Variants in ZNF362 observed in about 807,000 individuals in gnomAD.
ZNF362 encodes the protein rotund homolog.
In ZNF362, 11 loss-of-function variants were observed where a neutral mutation model predicts 42.9. The observed-to-expected ratio is 0.26, with a 90% CI of 0.16 to 0.42. The LOEUF is 0.42. ZNF362 is among the 20% of genes least tolerant of loss of function. The probability of loss-of-function intolerance (pLI) is 1.00; values close to 1 mark genes in which losing one functional copy is unlikely to be tolerated. For missense variants in ZNF362, 362 were observed against 576.2 expected, an observed-to-expected ratio of 0.63 and a Z score of 3.81; for synonymous variants, 255 against 257.3, an observed-to-expected ratio of 0.99 and a Z score of 0.09.
At chr1:33,219,427 A>G in the ZNF362 span, among the ~76,000 whole-genome samples, 5 of 152,160 alleles carry the variant, frequency 3.3e-5, no homozygotes, top group Non-Finnish European at 5.9e-5. Context: ...TGTGTCTAAG[A>G]AAGATTCACT....
the ZNF362 span, among the ~76,000 whole-genome samples, chr1:33,136,735 C>T: frequency 1.3e-5 from 2 of 151,576 alleles, no homozygotes; most frequent in African/African-American, 4.8e-5. Context: ...CACGGTGGCT[C>T]ACGCCCGTAA....
chr1:33,204,855 T>C, the ZNF362 span, among the ~76,000 whole-genome samples: 578 of 152,334 alleles, frequency 3.8e-3, 1 homozygote, highest in African/African-American at 0.013. Flanking sequence ...GAATCTATTG[T>C]ATTTCTATAT....
rs1645992702 is a variant in ZNF362 at position 33,281,344 on chromosome 1, C to T, written c.684-243C>T. 6.6e-6 allele frequency among the ~76,000 whole-genome samples: 1 copy of T among 152,140 alleles called. No homozygotes were observed. The highest frequency in any genetic ancestry group is 1.5e-5 in the Non-Finnish European group (1 of 68,006). ...CTCACCAGGATCAGGCCTGTCTTCCCTATGAGGTGTAACCTATGCTCCAGG... is the reference window on the plus strand; with the variant it reads ...CTCACCAGGATCAGGCCTGTCTTCCTTATGAGGTGTAACCTATGCTCCAGG... On this transcript the variant is annotated intron_variant, in intron 5 of 8. Coordinates refer to ENST00000539719, the MANE Select transcript of ZNF362 (RefSeq NM_152493.3). The surrounding 1 kb of genome is among the most constrained non-coding windows in gnomAD (Gnocchi z 4.8).
chr1:33,231,525 C>T, the ZNF362 span, among the ~76,000 whole-genome samples: 8 of 152,114 alleles, frequency 5.3e-5, no homozygotes, highest in Admixed American at 3.3e-4. Flanking sequence ...CCACAGTCCC[C>T]GATCTCCCTG....
the ZNF362 span, among the ~76,000 whole-genome samples, chr1:33,218,986 C>CACACATACATA: frequency 1.4e-5 from 2 of 146,372 alleles, no homozygotes; most frequent in Admixed American, 6.8e-5. Flanking sequence ...CACACATACA[C>CACACATACATA]CACCCCCTGC....
the ZNF362 span, among the ~76,000 whole-genome samples, chr1:33,209,446 T>C: frequency 3.3e-5 from 5 of 152,188 alleles, no homozygotes; most frequent in Admixed American, 1.3e-4. Flanking sequence ...ATAAAATGAG[T>C]TAGGGAGGAT....
the ZNF362 span, among the ~76,000 whole-genome samples, chr1:33,186,520 T>C: frequency 1.3e-5 from 2 of 150,918 alleles, no homozygotes; most frequent in Non-Finnish European, 3.0e-5. Flanking sequence ...TAAAACAAAG[T>C]TGTGGCTGGG....
In ZNF362 at chr1:33,277,624, T is replaced by C. The variant is rs1570396597; in HGVS notation, c.349+1030T>C. The stretch of plus-strand genomic sequence containing the variant: ...GAGTGTGGTGGCCTGGGCAATGCCG[T>C]GGTAGTGGGAATGGAGAGAAGTGGA... On this transcript the variant is annotated intron_variant, in intron 4 of 8. Transcript: ENST00000539719. Among the ~76,000 whole-genome samples, 4 of 151,648 alleles carry C rather than the reference T, an allele frequency of 2.6e-5. No homozygotes were observed. The South Asian group carries it at 8.4e-4, about 32-fold the overall frequency.
At chr1:33,127,645 C>T in the ZNF362 span, among the ~76,000 whole-genome samples, 3 of 152,218 alleles carry the variant, frequency 2.0e-5, no homozygotes, top group Non-Finnish European at 4.4e-5. Flanking sequence ...TACTTAAAAA[C>T]GGAGGATCTG....
At chr1:33,155,369 C>A in the ZNF362 span, among the ~76,000 whole-genome samples, 1 of 152,066 alleles carries the variant, frequency 6.6e-6, no homozygotes. Context: ...CCATGCCCGG[C>A]CTCCCCTGAC....
At chr1:33,290,116 T>G (rs1161838525) in intron 6 of ZNF362, among the ~76,000 whole-genome samples, 1 of 152,060 alleles carries the variant, frequency 6.6e-6, no homozygotes, top group Non-Finnish European at 1.5e-5. Flanking sequence ...TATTTATACT[T>G]AAAGTTCTAG....
chr1:33,270,953 G>A (rs1423187957), intron 2 of ZNF362, among the ~76,000 whole-genome samples: 3 of 152,138 alleles, frequency 2.0e-5, no homozygotes, highest in African/African-American at 4.8e-5. Flanking sequence ...CCACTGTGGG[G>A]GTCACCTTGC....
the ZNF362 span, among the ~76,000 whole-genome samples, chr1:33,135,012 C>T: frequency 3.3e-5 from 5 of 152,170 alleles, no homozygotes; most frequent in African/African-American, 7.2e-5. Flanking sequence ...TGGATCTGGG[C>T]GCCGTGGCTC....
chr1:33,283,502 T>G (rs1646011304), intron 6 of ZNF362, among the ~76,000 whole-genome samples: 1 of 151,826 alleles, frequency 6.6e-6, no homozygotes. Flanking sequence ...AACTCAGGAG[T>G]TCGAGACCAG....
chr1:33,274,032 T>C (rs1645924422), intron 2 of ZNF362, among the ~76,000 whole-genome samples: 1 of 152,182 alleles, frequency 6.6e-6, no homozygotes. Flanking sequence ...TGGCTTTACA[T>C]CTCGGTCCCC....
intron 6 of ZNF362, among the ~76,000 whole-genome samples, chr1:33,282,704 C>T (rs1347765310): frequency 6.6e-6 from 1 of 151,996 alleles, no homozygotes; most frequent in Non-Finnish European, 1.5e-5. Flanking sequence ...CGTCTGTAAT[C>T]CCAGCTACTT....
the ZNF362 span, among the ~76,000 whole-genome samples, chr1:33,225,847 A>G: frequency 6.6e-6 from 1 of 152,214 alleles, no homozygotes; most frequent in African/African-American, 2.4e-5. Flanking sequence ...ACAAGCAGAC[A>G]TGAAGATGTC....
At chr1:33,189,709 G>GTTTATATATATATATATA in the ZNF362 span, among the ~76,000 whole-genome samples, 1 of 12,452 alleles carries the variant, frequency 8.0e-5, no homozygotes, top group Non-Finnish European at 1.3e-4. Flanking sequence ...ACATATATAC[G>GTTTATATATATATATATA]TATATATATA....
the ZNF362 span, among the ~76,000 whole-genome samples, chr1:33,138,470 A>G: frequency 2.6e-5 from 4 of 152,086 alleles, no homozygotes; most frequent in Admixed American, 2.6e-4. Flanking sequence ...AGATGAGCCT[A>G]GGCAACATAG....
Sources: gnomAD v4.1 joint callset for allele counts (sites outside exome capture counted in the v4.1 genomes callset) on GRCh38, gnomAD v4.1.1 for gene constraint, Gnocchi (gnomAD v3.1) non-coding constraint, MANE v1.5 for transcripts, NCBI Gene and HGNC (gene_info 2026-07-23, HGNC 2026-07-21) for gene names.